The following GMFB variants were observed in gnomAD, a reference collection of about 807,000 sequenced individuals.
The protein encoded by GMFB is glia maturation factor beta.
GMFB carries 13 observed loss-of-function variants against 25.6 expected under a neutral mutation model. That is an observed-to-expected ratio of 0.51 (90% CI 0.33 to 0.81). The LOEUF is 0.81. Ranked by LOEUF, GMFB falls within the 30% of genes least tolerant of loss-of-function variation. GMFB has a pLI of 0.02. For missense variants in GMFB, 146 were observed against 175.4 expected, an observed-to-expected ratio of 0.83 and a Z score of 0.95; for synonymous variants, 57 against 56.9, an observed-to-expected ratio of 1.00 and a Z score of 0.00.
intron 2 of GMFB, 76 bp downstream of exon 2, chr14:54,483,595 C>A: frequency 1.3e-6 from 1 of 744,998 alleles, no homozygotes; most frequent in South Asian, 1.6e-5. Context: ...TCCAACGGTT[C>A]AGTTCATTCA....
Position 54,479,874 on chromosome 14 carries a change from T to A in GMFB, c.284-15A>T, listed in dbSNP as rs376113581. The stretch of plus-strand genomic sequence containing the variant: ...AGGCTTACATCCTGGAAAAGAGAGA[T>A]TAGTGTAGAAATGAGACACAGATTT... On this transcript the variant is annotated splice_polypyrimidine_tract_variant and intron_variant, in intron 5 of 6. Transcript: ENST00000358056. The A allele has an allele frequency of 4.0e-6, 6 of 1,513,100 alleles. No homozygotes were observed. The highest frequency in any genetic ancestry group is 5.5e-6 in the Non-Finnish European group (6 of 1,089,002). The allele number at this position is 1,513,100 out of a possible 1,614,324, so 93.7% of individuals were successfully genotyped here.
rs2031650942 is a variant in GMFB at position 54,477,131 on chromosome 14, A to G, written c.*957T>C. The G allele has an allele frequency of 1.3e-5, 2 of 152,456 alleles. No homozygotes were observed. The highest frequency in any genetic ancestry group is 2.4e-5 in the African/African-American group (1 of 41,452). 9.4% of individuals were successfully genotyped at this position (152,456 alleles called of 1,614,324 possible). ...CATATATTCACCAATGCAAGCAGAT[A>G]GTTGGAATTTTTAAAATATGAAGTT... is the stretch of plus-strand genomic sequence containing the variant. On this transcript the variant is annotated 3_prime_UTR_variant, in exon 7 of 7. Transcript: ENST00000358056.
chr14:54,475,062 A>G lies in GMFB; in HGVS notation c.*3026T>C, dbSNP rs533842911. 5 of 152,760 alleles carry G rather than the reference A, an allele frequency of 3.3e-5. No individual in the cohort carries two copies. Among genetic ancestry groups the G allele is most frequent in the Non-Finnish European group, 7.4e-5 (5 of 67,996 alleles). The allele number at this position is 152,760 out of a possible 1,614,324, so 9.5% of individuals were successfully genotyped here. A position where few individuals can be genotyped will look rare whatever the true frequency, so the allele number is the denominator to read the frequency against. ...ACAAATAGGGAAAGCAACCATAGTA[A>G]GAATACTTGAATTGATAGAATATGA... On this transcript the variant is annotated 3_prime_UTR_variant, in exon 7 of 7. Transcript: ENST00000358056.
chr14:54,484,086 G>A, intron 1 of GMFB: 5 of 390,560 alleles, frequency 1.3e-5, no homozygotes, highest in South Asian at 8.7e-5. Flanking sequence ...AGAATATGGG[G>A]AAAGTCAAGA....
chr14:54,488,815 C>T, intron 1 of GMFB, 110 bp downstream of exon 1: 2 of 823,220 alleles, frequency 2.4e-6, no homozygotes, highest in South Asian at 1.9e-5. Context: ...CGGAAGCGGC[C>T]GCCGAGCCCT....
At chr14:54,485,176 G>A (rs1175419832) in intron 1 of GMFB, among the ~76,000 whole-genome samples, 2 of 151,934 alleles carry the variant, frequency 1.3e-5, no homozygotes, top group Non-Finnish European at 2.9e-5. Flanking sequence ...CCTAGCCAGA[G>A]CAGTTAGGGA....
intron 5 of GMFB, chr14:54,480,543 TCA>T (rs2031696762): frequency 5.2e-6 from 1 of 192,006 alleles, no homozygotes; most frequent in South Asian, 1.2e-4. Flanking sequence ...TATGTGAAGT[TCA>T]CATTTTTATA....
intron 1 of GMFB, among the ~76,000 whole-genome samples, chr14:54,487,387 T>C (rs750342387): frequency 3.3e-5 from 5 of 152,020 alleles, no homozygotes; most frequent in Non-Finnish European, 7.4e-5. Flanking sequence ...AAAACAAAAT[T>C]AGCCGGGTGT....
chr14:54,486,060 G>GT (rs1351181171), intron 1 of GMFB, among the ~76,000 whole-genome samples: 1 of 152,096 alleles, frequency 6.6e-6, no homozygotes, highest in Admixed American at 6.5e-5. Context: ...GACCAGCCTG[G>GT]CTAACATGGT....
chr14:54,478,102 C>T lies in GMFB; in HGVS notation c.415G>A (p.Gly139Arg). Residue 139 changes from glycine to arginine, a missense_variant, in exon 7 of 7, where the codon GGA becomes AGA. By Grantham distance (125) the Gly-to-Arg change is moderately radical. Coordinates refer to ENST00000358056, the MANE Select transcript of GMFB (RefSeq NM_004124.3). ...AGAAGTTCACATTAGTGAAAAAATC[C>T]AAGTTTCTCACGTAACCATTCTTCA... ...LTEEWLREKL[G>R]FFH 1 of 1,421,008 alleles carries T rather than the reference C, an allele frequency of 7.0e-7. No individual in the cohort carries two copies. Among genetic ancestry groups the T allele is most frequent in the Non-Finnish European group, 9.6e-7 (1 of 1,043,530 alleles). The allele number at this position is 1,421,008 out of a possible 1,614,324, so 88.0% of individuals were successfully genotyped here.
At chr14:54,479,977 G>A in intron 5 of GMFB, 118 bp from the exon 6 acceptor site, 1 of 652,746 alleles carries the variant, frequency 1.5e-6, no homozygotes, top group Non-Finnish European at 2.8e-6. Context: ...TGAGTTTACA[G>A]AATATATATG....
intron 3 of GMFB, 42 bp downstream of exon 3, chr14:54,482,111 A>T: frequency 8.0e-7 from 1 of 1,244,010 alleles, no homozygotes; most frequent in Non-Finnish European, 1.2e-6. Flanking sequence ...GAGAAATAAT[A>T]ATTACTTAAC....
rs2031709383 is a variant in GMFB, at chr14:54,481,410, G to A, written c.199C>T (p.Arg67Cys). 1.9e-6 allele frequency: 3 copies of A among 1,595,254 alleles called. No individual in the cohort carries two copies. Among genetic ancestry groups the A allele is most frequent in the African/African-American group, 1.3e-5 (1 of 74,394 alleles). Residue 67 changes from arginine to cysteine, a missense_variant and splice_region_variant, in exon 4 of 7, where the codon CGC (arginine) becomes TGC (cysteine). Transcript: ENST00000358056. The stretch of plus-strand genomic sequence containing the variant: ...TTTAAAGCACTAAGAAAAGGATATC[G>A]AGGTTGTCGTTCAGGTAGTTCATCT... Reference protein sequence around the residue: ...LKDELPERQPRFIVYSYKYQH... With the variant: ...LKDELPERQPCFIVYSYKYQH...
intron 5 of GMFB, chr14:54,480,551 TTA>T (rs1479385590): frequency 5.1e-6 from 1 of 196,936 alleles, no homozygotes. Context: ...GTTCACATTT[TTA>T]TATGATTAAA....
At position 54,483,472 on chromosome 14, in the gene GMFB, G is replaced by A. The variant is rs2031740694; in HGVS notation, c.100+199C>T. ...AGGCAGCTGATAAAAGGACTATGGG[G>A]GAGGTGGGACAATCCACCTCTGTTC... On this transcript the variant is annotated intron_variant, in intron 2 of 6. Coordinates refer to ENST00000358056, the MANE Select transcript of GMFB (RefSeq NM_004124.3). 4 of 552,148 alleles carry A rather than the reference G, an allele frequency of 7.2e-6. No individual in the cohort carries two copies. In the Admixed American group the frequency reaches 1.4e-4, roughly 20 times the overall value. 34.2% of individuals were successfully genotyped at this position (552,148 alleles called of 1,614,324 possible). A position where few individuals can be genotyped will look rare whatever the true frequency, so the allele number is the denominator to read the frequency against.
Position 54,479,870 on chromosome 14 carries a change from G to A in GMFB, c.284-11C>T, listed in dbSNP as rs73273169. The A allele has an allele frequency of 3.0e-4, 462 of 1,533,788 alleles. 2 individuals carry two copies. The African/African-American group carries it at 5.6e-3, about 19-fold the overall frequency. On this transcript the variant is annotated splice_polypyrimidine_tract_variant and intron_variant, in intron 5 of 6. Transcript: ENST00000358056. ...GTTCAGGCTTACATCCTGGAAAAGA[G>A]AGATTAGTGTAGAAATGAGACACAG...
At chr14:54,478,361 T>G (rs2031668337) in intron 6 of GMFB, 1 of 347,830 alleles carries the variant, frequency 2.9e-6, no homozygotes, top group African/African-American at 2.1e-5. Context: ...TAGGTAGAAC[T>G]TCACTTCTTT....
chr14:54,485,175 A>G (rs994411430), intron 1 of GMFB, among the ~76,000 whole-genome samples: 1 of 152,168 alleles, frequency 6.6e-6, no homozygotes, highest in African/African-American at 2.4e-5. Flanking sequence ...TCCTAGCCAG[A>G]GCAGTTAGGG....
At chr14:54,481,737 TGACATAA>T (rs1291692034) in intron 3 of GMFB, among the ~76,000 whole-genome samples, 1 of 152,122 alleles carries the variant, frequency 6.6e-6, no homozygotes, top group Non-Finnish European at 1.5e-5. Context: ...AAATACTGAA[TGACATAA>T]GCCAGTATCT....
Sources: allele counts gnomAD v4.1 joint callset (sites outside exome capture counted in the v4.1 genomes callset), GRCh38; gene constraint gnomAD v4.1.1; transcripts MANE v1.5; gene names NCBI Gene and HGNC (gene_info 2026-07-23, HGNC 2026-07-21).